The following LOXHD1 variants were observed in gnomAD, a reference collection of about 807,000 sequenced individuals.
The protein encoded by LOXHD1 is lipoxygenase homology domain-containing protein 1.
In LOXHD1, 205 loss-of-function variants were observed where a neutral mutation model predicts 248.2. The observed-to-expected ratio is 0.83, with a 90% CI of 0.74 to 0.93. The LOEUF is 0.93. Ranked by LOEUF, LOXHD1 falls within the 40% of genes least tolerant of loss-of-function variation. The pLI, the probability that LOXHD1 is intolerant of heterozygous loss-of-function variation, is 0.00. For missense variants in LOXHD1, 2,930 were observed against 2,971.6 expected (o/e 0.99, Z 0.33); for synonymous variants, 1,113 against 1,162.8 (o/e 0.96, Z 0.87).
chr18:46,486,518 G>T (rs1326162005), intron 38 of LOXHD1, among the ~76,000 whole-genome samples: 1 of 152,204 alleles, frequency 6.6e-6, no homozygotes, highest in Non-Finnish European at 1.5e-5. Context: ...GTAGGGAGGG[G>T]TTCTGCAGCC....
chr18:46,529,067 C>G lies in LOXHD1; in HGVS notation c.4530+110G>C, dbSNP rs1479644979. 5 of 1,348,430 alleles carry G rather than the reference C, an allele frequency of 3.7e-6. No individual in the cohort carries two copies. The African/African-American group carries it at 7.2e-5, about 19-fold the overall frequency. 83.5% of individuals were successfully genotyped at this position (1,348,430 alleles called of 1,614,324 possible). ...GGGCAGAGGCCCAAATGAGTGTGCA[C>G]AATGCCCCATGGAGTTCCTGGATGT... On this transcript the variant is annotated intron_variant, in intron 29 of 40. Transcript: ENST00000642948.
intron 2 of LOXHD1, among the ~76,000 whole-genome samples, chr18:46,643,876 T>A (rs2038994997): frequency 6.6e-6 from 1 of 152,166 alleles, no homozygotes; most frequent in African/African-American, 2.4e-5. Context: ...AGAAATAGGT[T>A]TATAATATAG....
chr18:46,576,580 G>T (rs1179424610), intron 14 of LOXHD1, among the ~76,000 whole-genome samples: 5 of 152,128 alleles, frequency 3.3e-5, no homozygotes, highest in Non-Finnish European at 5.9e-5. Flanking sequence ...CTGGAAGCCT[G>T]CCTGGCCTGC....
At chr18:46,600,676 T>C (rs1276937023) in intron 8 of LOXHD1, among the ~76,000 whole-genome samples, 1 of 152,026 alleles carries the variant, frequency 6.6e-6, no homozygotes, top group Non-Finnish European at 1.5e-5. Flanking sequence ...TACAAGCTTA[T>C]ACATAGACAA....
intron 6 of LOXHD1, 32 bp downstream of exon 6, chr18:46,610,744 C>G: frequency 6.5e-7 from 1 of 1,533,572 alleles, no homozygotes; most frequent in Non-Finnish European, 8.8e-7. Context: ...CTTCCAAGGC[C>G]ACAGGGACTG....
chr18:46,494,667 G>C (rs147103382), intron 37 of LOXHD1, among the ~76,000 whole-genome samples: 1 of 152,044 alleles, frequency 6.6e-6, no homozygotes, highest in Non-Finnish European at 1.5e-5. Flanking sequence ...AACTGAACAC[G>C]TTATATCCCC....
intron 2 of LOXHD1, among the ~76,000 whole-genome samples, chr18:46,643,055 C>T (rs1038838017): frequency 1.3e-5 from 2 of 152,222 alleles, no homozygotes; most frequent in Admixed American, 1.3e-4. Flanking sequence ...AGGCATCAGG[C>T]TCAGACTCTC....
chr18:46,557,512 C>G, intron 20 of LOXHD1, 23 bp from the exon 21 acceptor site: 1 of 1,551,708 alleles, frequency 6.4e-7, no homozygotes, highest in Non-Finnish European at 8.7e-7. Flanking sequence ...AGGGAACACT[C>G]AGTGGGGTAA....
chr18:46,551,714 T>C (rs1274679176), intron 21 of LOXHD1, among the ~76,000 whole-genome samples: 1 of 152,148 alleles, frequency 6.6e-6, no homozygotes, highest in African/African-American at 2.4e-5. Context: ...TGTAAAAAGA[T>C]ATCACAATCT....
intron 2 of LOXHD1, among the ~76,000 whole-genome samples, chr18:46,646,386 CATCTT>C (rs1167245764): frequency 6.6e-6 from 1 of 152,158 alleles, no homozygotes; most frequent in Non-Finnish European, 1.5e-5. Context: ...CTGCAGTTTC[CATCTT>C]GAATAGAAAG....
chr18:46,595,083 C>T (rs1263647014), intron 8 of LOXHD1, among the ~76,000 whole-genome samples: 2 of 152,194 alleles, frequency 1.3e-5, no homozygotes, highest in African/African-American at 4.8e-5. Context: ...AACTTGAAAA[C>T]TAATCTTTTC....
At chr18:46,652,942 T>C (rs1017014951) in intron 1 of LOXHD1, among the ~76,000 whole-genome samples, 2 of 152,196 alleles carry the variant, frequency 1.3e-5, no homozygotes, top group Admixed American at 1.3e-4. Context: ...GTGCACACTG[T>C]ATGGTTCCAT....
At chr18:46,558,866 A>C (rs1366279173) in intron 20 of LOXHD1, among the ~76,000 whole-genome samples, 1 of 151,898 alleles carries the variant, frequency 6.6e-6, no homozygotes, top group Non-Finnish European at 1.5e-5. Flanking sequence ...CTTGTCTCTT[A>C]AGCCTCTCAT....
chr18:46,611,490 A>G (rs1473562403), intron 5 of LOXHD1, among the ~76,000 whole-genome samples: 2 of 152,234 alleles, frequency 1.3e-5, no homozygotes, highest in Non-Finnish European at 2.9e-5. Context: ...CCTTGCCAAA[A>G]GTCATGCAGG....
chr18:46,483,668 C>T lies in LOXHD1; in HGVS notation c.6260G>A (p.Arg2087Lys). 1 of 1,551,738 alleles carries T rather than the reference C, an allele frequency of 6.4e-7. No homozygotes were observed. The highest frequency in any genetic ancestry group is 1.4e-5 in the African/African-American group (1 of 73,162). Residue 2087 changes from arginine (R) to lysine (K), a missense_variant, in exon 40 of 41, where the codon AGG (arginine) becomes AAG (lysine). By Grantham distance (26) the Arg-to-Lys change is conservative (BLOSUM62 2). Coordinates refer to ENST00000642948, the MANE Select transcript of LOXHD1 (RefSeq NM_001384474.1). ...IASLCVGHLAREDRFIPKREL... is the reference protein window; with the variant it reads ...IASLCVGHLAKEDRFIPKREL... The stretch of plus-strand genomic sequence containing the variant: ...TCTCTTGGGGATAAACCGGTCTTCC[C>T]TGGCAAGGTGGCCCACACAGAGGGA...
At chr18:46,561,138 C>G (rs2037522214) in intron 18 of LOXHD1, among the ~76,000 whole-genome samples, 1 of 152,244 alleles carries the variant, frequency 6.6e-6, no homozygotes, top group African/African-American at 2.4e-5. Context: ...CCTCCTCCCC[C>G]AACCCTGAGC....
intron 21 of LOXHD1, among the ~76,000 whole-genome samples, chr18:46,550,017 A>C (rs939755547): frequency 9.2e-5 from 14 of 152,248 alleles, no homozygotes; most frequent in Non-Finnish European, 1.9e-4. Context: ...GAGTATTGAA[A>C]GAAAAAGGAA....
At chr18:46,594,575 T>C (rs1485731588) in intron 8 of LOXHD1, 109 bp from the exon 9 acceptor site, 5 of 1,293,626 alleles carry the variant, frequency 3.9e-6, no homozygotes, top group Non-Finnish European at 5.3e-6. Context: ...GTATTAGGAC[T>C]CTCAAGGAAT....
At chr18:46,484,780 A>G (rs2032897236) in intron 39 of LOXHD1, among the ~76,000 whole-genome samples, 1 of 152,122 alleles carries the variant, frequency 6.6e-6, no homozygotes, top group African/African-American at 2.4e-5. Flanking sequence ...GTTTGGACTG[A>G]GTAGCACTGT....
Sources: allele counts gnomAD v4.1 joint callset (sites outside exome capture counted in the v4.1 genomes callset), GRCh38; gene constraint gnomAD v4.1.1; transcripts MANE v1.5; gene names NCBI Gene and HGNC (gene_info 2026-07-23, HGNC 2026-07-21).